MTMR8: variants seen among roughly 807,000 people sequenced by gnomAD.
MTMR8 encodes the protein myotubularin related protein 8, also known as phosphatidylinositol-3,5-bisphosphate 3-phosphatase MTMR8.
A neutral mutation model predicts 39.3 loss-of-function variants in MTMR8; 65 were observed. The ratio of observed to expected loss-of-function variants is 1.65; its 90% CI spans 1.35 to 2.03. MTMR8 has a LOEUF of 2.03. MTMR8 is among the 30% of genes most tolerant of loss of function. The pLI, the probability that MTMR8 is intolerant of heterozygous loss-of-function variation, is 0.00. For missense variants in MTMR8, 777 were observed against 538.9 expected (o/e 1.44, Z -4.37); for synonymous variants, 245 against 185.2 (o/e 1.32, Z -2.62).
Position 64,274,963 on chromosome X carries a change from T to A in MTMR8, c.1482-3890A>T, listed in dbSNP as rs190807654. On this transcript the variant is annotated intron_variant, in intron 12 of 13. Transcript: ENST00000374852. ...GAAAGATACAGCTAGATAAAAGGAA[T>A]GACTTTTTGAGGTCTTCTGCCCAGC... Among the ~76,000 whole-genome samples the A allele has an allele frequency of 1.5e-3, 168 of 111,616 alleles. 1 individual carries two copies. Among genetic ancestry groups the A allele is most frequent in the Non-Finnish European group, 5.5e-4 (29 of 53,076 alleles).
chrX:64,367,742 A>G (rs1246537372), intron 1 of MTMR8, among the ~76,000 whole-genome samples: 16 of 110,986 alleles, frequency 1.4e-4, no homozygotes, highest in South Asian at 3.8e-4. Context: ...TCAACATAGT[A>G]TTGGAAGTTC....
intron 12 of MTMR8, among the ~76,000 whole-genome samples, chrX:64,310,790 G>A (rs938536897): frequency 3.6e-5 from 4 of 110,899 alleles, no homozygotes; most frequent in Admixed American, 1.9e-4. Context: ...TGAGAACGAC[G>A]GTTTCCAGCT....
At chrX:64,270,086 C>T (rs1170338456) in intron 13 of MTMR8, among the ~76,000 whole-genome samples, 2 of 109,729 alleles carry the variant, frequency 1.8e-5, no homozygotes, top group South Asian at 4.2e-4. Flanking sequence ...ATCTAATCTA[C>T]TTAGGACTGG....
chrX:64,362,849 T>G (rs1923831174), intron 1 of MTMR8, among the ~76,000 whole-genome samples: 1 of 110,667 alleles, frequency 9.0e-6, no homozygotes, highest in African/African-American at 3.3e-5. Context: ...TAACAAGGAA[T>G]TATTATCTAG....
intron 12 of MTMR8, among the ~76,000 whole-genome samples, chrX:64,286,176 C>G (rs758461600): frequency 1.3e-3 from 147 of 111,852 alleles, no homozygotes; most frequent in Non-Finnish European, 2.3e-3. Flanking sequence ...TATAAACTAC[C>G]ATCAGAGAAT....
chrX:64,364,471 G>C (rs1028777057), intron 1 of MTMR8, among the ~76,000 whole-genome samples: 1 of 111,847 alleles, frequency 8.9e-6, no homozygotes. Context: ...AGGCAAACAG[G>C]GTCTGGAGTG....
chrX:64,363,661 C>T (rs1923859679), intron 1 of MTMR8, among the ~76,000 whole-genome samples: 1 of 111,800 alleles, frequency 8.9e-6, no homozygotes, highest in Admixed American at 9.5e-5. Context: ...GTCTGCAGCT[C>T]CCAGCGTGAC....
intron 13 of MTMR8, among the ~76,000 whole-genome samples, chrX:64,270,204 G>A (rs1931728767): frequency 9.0e-6 from 1 of 111,304 alleles, no homozygotes. Context: ...CCTCCCAAGA[G>A]GACATTAAAA....
intron 12 of MTMR8, among the ~76,000 whole-genome samples, chrX:64,298,087 AC>A (rs1290618476): frequency 1.1e-3 from 88 of 78,631 alleles, no homozygotes; most frequent in African/African-American, 4.2e-3. Context: ...TTCCATATGA[AC>A]TTTAAAGTAG....
intron 12 of MTMR8, among the ~76,000 whole-genome samples, chrX:64,290,449 A>G (rs1377626582): frequency 2.7e-5 from 3 of 110,826 alleles, no homozygotes; most frequent in Non-Finnish European, 5.7e-5. Context: ...TATATATAAA[A>G]AAAAGAAATA....
intron 1 of MTMR8, among the ~76,000 whole-genome samples, chrX:64,380,908 T>TA (rs1450216261): frequency 8.9e-6 from 1 of 111,969 alleles, no homozygotes; most frequent in Non-Finnish European, 1.9e-5. Flanking sequence ...TCCATGACCC[T>TA]ACAAAGGACA....
At chrX:64,275,804 G>A (rs1465349744) in intron 12 of MTMR8, among the ~76,000 whole-genome samples, 1 of 110,833 alleles carries the variant, frequency 9.0e-6, no homozygotes, top group Non-Finnish European at 1.9e-5. Context: ...TACAACCGAT[G>A]CAACAAAAAT....
chrX:64,367,029 G>T (rs1216102799), intron 1 of MTMR8, among the ~76,000 whole-genome samples: 2 of 111,268 alleles, frequency 1.8e-5, no homozygotes, highest in Non-Finnish European at 3.8e-5. Flanking sequence ...AAATTCCTGG[G>T]CACATACACC....
chrX:64,296,500 A>G (rs1326672095), intron 12 of MTMR8, among the ~76,000 whole-genome samples: 1 of 110,416 alleles, frequency 9.1e-6, no homozygotes, highest in East Asian at 2.8e-4. Flanking sequence ...CAAGCAAAAA[A>G]TACCATGGGG....
chrX:64,279,460 A>G (rs750743300), intron 12 of MTMR8, among the ~76,000 whole-genome samples: 2 of 112,047 alleles, frequency 1.8e-5, no homozygotes, highest in South Asian at 3.8e-4. Context: ...AAACTACAAA[A>G]TATTGTTGAA....
intron 12 of MTMR8, among the ~76,000 whole-genome samples, chrX:64,285,545 T>C (rs1028771284): frequency 4.5e-5 from 5 of 111,681 alleles, no homozygotes; most frequent in Admixed American, 2.9e-4. Flanking sequence ...ACACCACACC[T>C]ATTCCAAAAC....
At chrX:64,376,283 G>A (rs1457213893) in intron 1 of MTMR8, among the ~76,000 whole-genome samples, 2 of 112,211 alleles carry the variant, frequency 1.8e-5, no homozygotes, top group Non-Finnish European at 3.8e-5. Flanking sequence ...GGAAAAGTTT[G>A]GATGGCTCAC....
chrX:64,292,459 G>C (rs191709292), intron 12 of MTMR8, among the ~76,000 whole-genome samples: 1 of 110,993 alleles, frequency 9.0e-6, no homozygotes, highest in Non-Finnish European at 1.9e-5. Flanking sequence ...GGTTTGCACA[G>C]AGAGGAGGTA....
chrX:64,301,077 G>C (rs1197828776), intron 12 of MTMR8, among the ~76,000 whole-genome samples: 1 of 105,588 alleles, frequency 9.5e-6, no homozygotes, highest in Admixed American at 1.0e-4. Flanking sequence ...TTCTTGAGGA[G>C]TATCTTTGTG....
Sources: allele counts gnomAD v4.1 joint callset (sites outside exome capture counted in the v4.1 genomes callset), GRCh38; gene constraint gnomAD v4.1.1; transcripts MANE v1.5; gene names NCBI Gene and HGNC (gene_info 2026-07-23, HGNC 2026-07-21).